Variants in GALNTL6 observed in about 807,000 individuals in gnomAD.
GALNTL6 encodes polypeptide N-acetylgalactosaminyltransferase-like 6.
In GALNTL6, 46 loss-of-function variants were observed where a neutral mutation model predicts 73.7. The observed-to-expected ratio is 0.62, with a 90% CI of 0.49 to 0.80. The LOEUF is 0.80. Ranked by LOEUF, GALNTL6 falls within the 30% of genes least tolerant of loss-of-function variation. The pLI, the probability that GALNTL6 is intolerant of heterozygous loss-of-function variation, is 0.00. For synonymous variants in GALNTL6, 259 were observed against 263.7 expected, an observed-to-expected ratio of 0.98 and a Z score of 0.17; for missense variants, 604 against 755.0, an observed-to-expected ratio of 0.80 and a Z score of 2.34.
intron 5 of GALNTL6, among the ~76,000 whole-genome samples, chr4:172,656,108 C>T (rs1421961498): frequency 1.3e-5 from 2 of 152,130 alleles, no homozygotes; most frequent in African/African-American, 4.8e-5. Flanking sequence ...CACCAGCTTT[C>T]GAGAAAAGAA....
At position 172,321,952 on chromosome 4, in the gene GALNTL6, C is replaced by T. The variant is rs75113270; in HGVS notation, c.386+10200C>T. Among the ~76,000 whole-genome samples, 54 of 152,156 alleles carry T rather than the reference C, an allele frequency of 3.5e-4. 1 individual carries two copies. The East Asian group carries it at 7.9e-3, about 22-fold the overall frequency. ...AGCTTCCTGATAAGATCTCAGAAGC[C>T]GGGCAAGTGAGCCCAAGCATGCACA... On this transcript the variant is annotated intron_variant, in intron 4 of 12. Coordinates refer to ENST00000506823, the MANE Select transcript of GALNTL6 (RefSeq NM_001034845.3).
chr4:172,426,551 T>C (rs937689520), intron 5 of GALNTL6, among the ~76,000 whole-genome samples: 1 of 151,808 alleles, frequency 6.6e-6, no homozygotes, highest in Non-Finnish European at 1.5e-5. Flanking sequence ...ACAAGCAAAA[T>C]AGAGAGGCAG....
chr4:172,256,392 GA>G (rs1738081017), intron 3 of GALNTL6, among the ~76,000 whole-genome samples: 1 of 151,444 alleles, frequency 6.6e-6, no homozygotes, highest in African/African-American at 2.4e-5. Context: ...ACCATGACCA[GA>G]AAGATATATT....
At chr4:172,838,650 G>A (rs1340262293) in intron 7 of GALNTL6, among the ~76,000 whole-genome samples, 1 of 152,152 alleles carries the variant, frequency 6.6e-6, no homozygotes, top group Non-Finnish European at 1.5e-5. Flanking sequence ...CGAAACAGGT[G>A]CAAATTCAAA....
At chr4:171,877,027 T>C (rs1443006483) in intron 2 of GALNTL6, among the ~76,000 whole-genome samples, 1 of 152,150 alleles carries the variant, frequency 6.6e-6, no homozygotes, top group East Asian at 1.9e-4. Flanking sequence ...AGTGAGCTAC[T>C]CGACCGCCCT....
At chr4:172,165,370 G>A (rs770513156) in intron 2 of GALNTL6, among the ~76,000 whole-genome samples, 5 of 152,030 alleles carry the variant, frequency 3.3e-5, no homozygotes, top group Admixed American at 6.6e-5. Context: ...TTAATAAGAA[G>A]TACACTAGAA....
At chr4:172,889,705 C>A (rs913976594) in intron 8 of GALNTL6, among the ~76,000 whole-genome samples, 1 of 151,918 alleles carries the variant, frequency 6.6e-6, no homozygotes, top group Non-Finnish European at 1.5e-5. Context: ...GAGTGACTAG[C>A]CTGTAGTTTT....
At chr4:171,897,804 T>A (rs1408864495) in intron 2 of GALNTL6, among the ~76,000 whole-genome samples, 1 of 150,846 alleles carries the variant, frequency 6.6e-6, no homozygotes, top group African/African-American at 2.4e-5. Context: ...GGCAGGCGCC[T>A]ATAATCCCAG....
At chr4:171,965,536 A>G (rs973560682) in intron 2 of GALNTL6, among the ~76,000 whole-genome samples, 1 of 151,878 alleles carries the variant, frequency 6.6e-6, no homozygotes, top group Non-Finnish European at 1.5e-5. Flanking sequence ...GGCACCTGTA[A>G]TCCCAGCTAC....
intron 2 of GALNTL6, among the ~76,000 whole-genome samples, chr4:172,143,228 CTAAG>C (rs1282026394): frequency 6.6e-6 from 1 of 151,734 alleles, no homozygotes; most frequent in Admixed American, 6.6e-5. Context: ...TTTATTTTTC[CTAAG>C]TAATTTCAAC....
At chr4:171,988,185 A>T (rs142768305) in intron 2 of GALNTL6, among the ~76,000 whole-genome samples, 6 of 152,208 alleles carry the variant, frequency 3.9e-5, no homozygotes, top group Non-Finnish European at 7.3e-5. Context: ...TACAGGGTGC[A>T]GTCCTGGCTC....
At chr4:172,792,592 G>C (rs1157636584) in intron 5 of GALNTL6, among the ~76,000 whole-genome samples, 2 of 151,092 alleles carry the variant, frequency 1.3e-5, no homozygotes, top group Non-Finnish European at 2.9e-5. Flanking sequence ...AAGGAAAAAA[G>C]ATGAGATGAG....
At chr4:172,533,447 C>T (rs1478301988) in intron 5 of GALNTL6, among the ~76,000 whole-genome samples, 1 of 150,324 alleles carries the variant, frequency 6.7e-6, no homozygotes, top group Non-Finnish European at 1.5e-5. Context: ...GCCTCAGCCT[C>T]CTGAGTAGCT....
At chr4:172,717,659 G>A (rs1462768697) in intron 5 of GALNTL6, among the ~76,000 whole-genome samples, 2 of 152,166 alleles carry the variant, frequency 1.3e-5, no homozygotes, top group African/African-American at 2.4e-5. Flanking sequence ...TCAACACACA[G>A]ATATTGGAAG....
chr4:172,923,167 A>T (rs1375747745), intron 8 of GALNTL6, among the ~76,000 whole-genome samples: 1 of 152,208 alleles, frequency 6.6e-6, no homozygotes, highest in Non-Finnish European at 1.5e-5. Flanking sequence ...GCTGATAAAG[A>T]CATACCCGAC....
intron 2 of GALNTL6, among the ~76,000 whole-genome samples, chr4:172,082,973 C>G (rs1163231567): frequency 6.6e-6 from 1 of 152,064 alleles, no homozygotes. Context: ...ATGTTTATCA[C>G]TAAAATATTT....
At chr4:172,573,935 C>G (rs1436452597) in intron 5 of GALNTL6, among the ~76,000 whole-genome samples, 1 of 152,028 alleles carries the variant, frequency 6.6e-6, no homozygotes, top group Non-Finnish European at 1.5e-5. Flanking sequence ...TTTAAGTGAC[C>G]AGAGTAATAC....
chr4:172,997,406 G>C (rs1039692210), intron 10 of GALNTL6, among the ~76,000 whole-genome samples: 1 of 152,112 alleles, frequency 6.6e-6, no homozygotes, highest in Non-Finnish European at 1.5e-5. Flanking sequence ...ACACAGCATG[G>C]CGAGAGTGCA....
At chr4:172,274,682 G>C (rs1264007100) in intron 3 of GALNTL6, among the ~76,000 whole-genome samples, 2 of 152,156 alleles carry the variant, frequency 1.3e-5, no homozygotes, top group Admixed American at 1.3e-4. Flanking sequence ...GAATACAGGA[G>C]TAGCTACAGA....
Sources: gnomAD v4.1 joint callset for allele counts (sites outside exome capture counted in the v4.1 genomes callset) on GRCh38, gnomAD v4.1.1 for gene constraint, MANE v1.5 for transcripts, NCBI Gene and HGNC (gene_info 2026-07-23, HGNC 2026-07-21) for gene names.